Variants in MTHFD1L observed in about 807,000 individuals in gnomAD.
The protein encoded by MTHFD1L is monofunctional C1-tetrahydrofolate synthase, mitochondrial.
MTHFD1L carries 81 observed loss-of-function variants against 119.5 expected under a neutral mutation model. The observed-to-expected ratio is 0.68, with a 90% CI of 0.57 to 0.82. The LOEUF is 0.82. Among genes scored for constraint, MTHFD1L ranks in the 40% least tolerant of loss-of-function variants. The probability of loss-of-function intolerance (pLI) is 0.00; values close to 1 mark genes in which losing one functional copy is unlikely to be tolerated. For synonymous variants in MTHFD1L, 430 were observed against 475.2 expected, an observed-to-expected ratio of 0.90 and a Z score of 1.24; for missense variants, 1,125 against 1,253.4, an observed-to-expected ratio of 0.90 and a Z score of 1.55.
intron 11 of MTHFD1L, among the ~76,000 whole-genome samples, chr6:150,927,703 C>A (rs1790276597): frequency 6.6e-6 from 1 of 152,030 alleles, no homozygotes; most frequent in Non-Finnish European, 1.5e-5. Context: ...GTGATCCACC[C>A]ACCTTGGCAT....
At chr6:150,965,927 A>AG (rs982079560) in intron 19 of MTHFD1L, among the ~76,000 whole-genome samples, 1 of 152,156 alleles carries the variant, frequency 6.6e-6, no homozygotes, top group African/African-American at 2.4e-5. Context: ...AGAGGTCATG[A>AG]GGGGCAGAGT....
chr6:151,030,108 G>A (rs767392928), intron 24 of MTHFD1L, among the ~76,000 whole-genome samples: 8 of 152,174 alleles, frequency 5.3e-5, no homozygotes, highest in Non-Finnish European at 7.3e-5. Flanking sequence ...ACGTGCTTGC[G>A]TTTTACACTG....
intron 15 of MTHFD1L, among the ~76,000 whole-genome samples, chr6:150,947,606 A>T (rs1794192134): frequency 6.9e-6 from 1 of 143,990 alleles, no homozygotes; most frequent in Non-Finnish European, 1.6e-5. Flanking sequence ...TAAAAGTTTT[A>T]ATTTTTTTTT....
intron 26 of MTHFD1L, among the ~76,000 whole-genome samples, chr6:151,040,443 G>T (rs1786920133): frequency 6.6e-6 from 1 of 152,202 alleles, no homozygotes; most frequent in African/African-American, 2.4e-5. Flanking sequence ...CCGCACAGTG[G>T]CTCACACTTA....
chr6:150,928,433 CAAAAAAAAAAA>C (rs540059318), intron 11 of MTHFD1L, among the ~76,000 whole-genome samples: 2 of 70,946 alleles, frequency 2.8e-5, no homozygotes, highest in African/African-American at 1.0e-4. Flanking sequence ...AAGACTGTCT[CAAAAAAAAAAA>C]AAAAAAAAAA....
At chr6:150,868,648 A>G (rs1488202528) in intron 1 of MTHFD1L, among the ~76,000 whole-genome samples, 3 of 152,094 alleles carry the variant, frequency 2.0e-5, no homozygotes, top group Admixed American at 1.3e-4. Context: ...TATTTTTACA[A>G]TTCACTAAGC....
At chr6:150,878,161 T>A (rs946880914) in intron 4 of MTHFD1L, among the ~76,000 whole-genome samples, 2 of 152,162 alleles carry the variant, frequency 1.3e-5, no homozygotes, top group Non-Finnish European at 2.9e-5. Flanking sequence ...GCCCGGCCCT[T>A]CTGTGGTTAG....
At chr6:150,888,923 C>G (rs1782756025) in intron 7 of MTHFD1L, among the ~76,000 whole-genome samples, 1 of 152,160 alleles carries the variant, frequency 6.6e-6, no homozygotes, top group Non-Finnish European at 1.5e-5. Flanking sequence ...GCCTGTAATC[C>G]CAGCACTCTG....
chr6:150,971,954 C>T lies in MTHFD1L; in HGVS notation c.2021C>T (p.Pro674Leu). Residue 674 changes from proline to leucine, a missense_variant, in exon 20 of 28, where the codon CCT (proline) becomes CTT (leucine). By Grantham distance (98) the Pro-to-Leu change is moderately conservative. This residue lies in a region of MTHFD1L where 1,058 missense variants were observed against 1,151.2 expected (regional missense o/e 0.92). Coordinates refer to ENST00000367321, the MANE Select transcript of MTHFD1L (RefSeq NM_015440.5). ...GCTTTTTCACTTCTCTAGGGGACAC[C>T]TGTGTTCGTGCATGCGGGCCCTTTT... The part of the protein sequence containing the change: ...PNLMQTLEGT[P>L]VFVHAGPFAN... 1 of 1,613,966 alleles carries T rather than the reference C, an allele frequency of 6.2e-7. No homozygotes were observed. Among genetic ancestry groups the T allele is most frequent in the Non-Finnish European group, 8.5e-7 (1 of 1,179,932 alleles).
intron 1 of MTHFD1L, among the ~76,000 whole-genome samples, chr6:150,869,776 T>C (rs1043587770): frequency 2.6e-5 from 4 of 152,126 alleles, no homozygotes; most frequent in African/African-American, 9.7e-5. Context: ...TCACCTGGAA[T>C]AGACATCCAG....
intron 27 of MTHFD1L, among the ~76,000 whole-genome samples, chr6:151,097,407 G>A (rs1794970455): frequency 6.6e-6 from 1 of 152,136 alleles, no homozygotes; most frequent in Admixed American, 6.6e-5. Context: ...ATAGAGAGTG[G>A]AATACTACTT....
At chr6:150,965,123 A>G (rs2129007560) in intron 19 of MTHFD1L, 86 bp downstream of exon 19, 1 of 1,175,136 alleles carries the variant, frequency 8.5e-7, no homozygotes, top group African/African-American at 1.5e-5. Context: ...TGAGGCAGGC[A>G]TAGAGCATGC....
At chr6:151,090,852 T>TGACTGGGTGCAGCATCGCCCCATGC (rs1794319568) in intron 26 of MTHFD1L, among the ~76,000 whole-genome samples, 1 of 119,998 alleles carries the variant, frequency 8.3e-6, no homozygotes, top group Admixed American at 8.2e-5. Flanking sequence ...TCGCTCCATG[T>TGACTGGGTGCAGCATCGCCCCATGC]GACTGGGTGC....
At chr6:150,957,007 A>G (rs1376798664) in intron 17 of MTHFD1L, among the ~76,000 whole-genome samples, 1 of 152,236 alleles carries the variant, frequency 6.6e-6, no homozygotes, top group African/African-American at 2.4e-5. Context: ...AAATAGGAAG[A>G]TGGAATTAGA....
chr6:151,087,869 C>T (rs75949783), intron 26 of MTHFD1L, among the ~76,000 whole-genome samples: 53 of 152,316 alleles, frequency 3.5e-4, no homozygotes, highest in African/African-American at 1.1e-3. Context: ...GGCAAAAGCC[C>T]AGGTATTTCA....
chr6:150,991,322 A>G (rs1325419906), intron 20 of MTHFD1L, among the ~76,000 whole-genome samples: 1 of 149,506 alleles, frequency 6.7e-6, no homozygotes, highest in East Asian at 2.4e-4. Context: ...AGATAAATGT[A>G]TACATGGAAC....
chr6:151,065,242 G>C (rs553212225), intron 26 of MTHFD1L, among the ~76,000 whole-genome samples: 2 of 152,296 alleles, frequency 1.3e-5, no homozygotes, highest in African/African-American at 4.8e-5. Context: ...AGGTGAGTGG[G>C]TGAGCATAGC....
At chr6:150,981,171 A>G (rs1216413425) in intron 20 of MTHFD1L, among the ~76,000 whole-genome samples, 1 of 152,136 alleles carries the variant, frequency 6.6e-6, no homozygotes, top group Non-Finnish European at 1.5e-5. Flanking sequence ...GCACCAGACA[A>G]CTTCTGACCC....
At chr6:151,023,051 T>G (rs1784167680) in intron 24 of MTHFD1L, among the ~76,000 whole-genome samples, 1 of 148,834 alleles carries the variant, frequency 6.7e-6, no homozygotes. Context: ...TTTTTGGGTT[T>G]TTTTTTTTTT....
Sources: gnomAD v4.1 joint callset for allele counts (sites outside exome capture counted in the v4.1 genomes callset) on GRCh38, gnomAD v4.1.1 for gene constraint, gnomAD v4.1.1 regional missense constraint, MANE v1.5 for transcripts, NCBI Gene and HGNC (gene_info 2026-07-23, HGNC 2026-07-21) for gene names.